Variants in CRACR2A observed in about 807,000 individuals in gnomAD.
CRACR2A encodes the protein calcium release activated channel regulator 2A.
CRACR2A carries 79 observed loss-of-function variants against 90.5 expected under a neutral mutation model. The observed-to-expected ratio is 0.87, with a 90% confidence interval of 0.73 to 1.05. The LOEUF is 1.05. CRACR2A is among the 50% of genes least tolerant of loss of function. CRACR2A has a pLI of 0.00. For missense variants in CRACR2A, 823 were observed against 897.2 expected (o/e 0.92, Z 1.06); for synonymous variants, 338 against 356.7 (o/e 0.95, Z 0.59).
intron 7 of CRACR2A, chr12:3,672,754 T>A: frequency 1.0e-6 from 1 of 985,468 alleles, no homozygotes; most frequent in Non-Finnish European, 1.2e-6. Flanking sequence ...CTGGTTCAGT[T>A]CTTCAGCAGC....
intron 2 of CRACR2A, among the ~76,000 whole-genome samples, chr12:3,720,027 G>A (rs1946132294): frequency 6.6e-6 from 1 of 151,802 alleles, no homozygotes; most frequent in African/African-American, 2.4e-5. Flanking sequence ...GCTGAGGCAG[G>A]AGAATCGCTT....
At chr12:3,648,333 T>A in intron 11 of CRACR2A, 1 of 1,467,838 alleles carries the variant, frequency 6.8e-7, no homozygotes, top group Non-Finnish European at 9.0e-7. Context: ...AGGAATAAAC[T>A]GGATGTGGGC....
chr12:3,742,130 A>G (rs73249734), intron 1 of CRACR2A, among the ~76,000 whole-genome samples: 23,737 of 152,254 alleles, frequency 0.16, 2,061 homozygotes, highest in African/African-American at 0.2. Flanking sequence ...TGGGCAAATC[A>G]TGAACAGCTG....
At chr12:3,635,662 C>T (rs532350909) in intron 14 of CRACR2A, among the ~76,000 whole-genome samples, 3 of 152,092 alleles carry the variant, frequency 2.0e-5, no homozygotes, top group Non-Finnish European at 2.9e-5. Context: ...TGCATCAACA[C>T]GCCTGGCTAA....
In CRACR2A at chr12:3,615,444, G is replaced by T; in HGVS notation, c.2112-5C>A. ...TCTTCTTGCTCCTTGAGGAACCTGG[G>T]AGAGGGGAAGAGATCGTGTCAGTGA... is the stretch of plus-strand genomic sequence containing the variant. On this transcript the variant is annotated splice_region_variant and splice_polypyrimidine_tract_variant and intron_variant, in intron 19 of 19. Transcript: ENST00000440314. 1 of 1,547,764 alleles carries T rather than the reference G, an allele frequency of 6.5e-7. No homozygotes were observed. The highest frequency in any genetic ancestry group is 8.7e-7 in the Non-Finnish European group (1 of 1,144,760).
Position 3,638,384 on chromosome 12 carries a change from G to C in CRACR2A, c.1342C>G (p.Leu448Val), listed in dbSNP as rs1478681903. 14 of 1,551,670 alleles carry C rather than the reference G, an allele frequency of 9.0e-6. No individual in the cohort carries two copies. In the East Asian group the frequency reaches 2.9e-4, roughly 33 times the overall value. Residue 448 changes from leucine (L) to valine (V), a missense_variant, in exon 14 of 20, where the codon CTA becomes GTA. Leu to Val is a conservative substitution (Grantham distance 32). Transcript: ENST00000440314. ...CCGGTTCCTGGCTCCTCTTCTGTTA[G>C]GGGATATCCACTCAGGCCCAGGGAG... is the stretch of plus-strand genomic sequence containing the variant. ...RSSLGLSGYP[L>V]TEEEPGTGEP... is the part of the protein sequence containing the mutation.
Position 3,627,658 on chromosome 12 carries a change from G to T in CRACR2A, c.1784C>A (p.Ala595Asp). 6.4e-7 allele frequency: 1 copy of T among 1,551,804 alleles called. No individual in the cohort carries two copies. The highest frequency in any genetic ancestry group is 8.7e-7 in the Non-Finnish European group (1 of 1,147,020). ...KTLNVDNSQV[A>D]LQLWDTAGQE... ...CCCAGCCGTGTCCCACAGCTGCAGG[G>T]CCACCTGAGAGTTGTCCACATTCAA... Residue 595 changes from alanine (A) to aspartate (D), a missense_variant, in exon 16 of 20, where the codon GCC becomes GAC. Ala to Asp is a moderately radical substitution (Grantham distance 126). Transcript: ENST00000440314.
rs1426210130 is a variant in CRACR2A, at chr12:3,680,283, C to T, written c.295G>A (p.Asp99Asn). Reference protein sequence around the residue: ...LEDVFDALDADGNGYLTPQEF... With the variant: ...LEDVFDALDANGNGYLTPQEF... Reference sequence around the variant, plus strand: ...TGTGGGGTCAGATAGCCATTGCCATCAGCATCCAGGGCATCAAACACATCC... The same window carrying T: ...TGTGGGGTCAGATAGCCATTGCCATTAGCATCCAGGGCATCAAACACATCC... Residue 99 changes from aspartate to asparagine, a missense_variant, in exon 5 of 20, where the codon GAT (aspartate) becomes AAT (asparagine). Transcript: ENST00000440314. The T allele has an allele frequency of 6.2e-7, 1 of 1,614,212 alleles. No homozygotes were observed. The highest frequency in any genetic ancestry group is 1.3e-5 in the African/African-American group (1 of 75,060).
chr12:3,616,401 G>A (rs1565458238), intron 19 of CRACR2A, among the ~76,000 whole-genome samples: 1 of 152,192 alleles, frequency 6.6e-6, no homozygotes, highest in African/African-American at 2.4e-5. Context: ...TGGTTTTGTT[G>A]TTTAAATTTT....
At chr12:3,666,332 T>TGCGTGC (rs1945138993) in intron 7 of CRACR2A, among the ~76,000 whole-genome samples, 1 of 114,896 alleles carries the variant, frequency 8.7e-6, no homozygotes, top group African/African-American at 3.2e-5. Flanking sequence ...GACGGCTGCG[T>TGCGTGC]GTGTGTGTGT....
chr12:3,656,464 A>ATT lies in CRACR2A; in HGVS notation c.763-60_763-59dup. 1.3e-5 allele frequency: 19 copies of ATT among 1,496,776 alleles called. No individual in the cohort carries two copies. In the South Asian group the frequency reaches 1.5e-4, roughly 12 times the overall value. 92.7% of individuals were successfully genotyped at this position (1,496,776 alleles called of 1,614,324 possible). A position where few individuals can be genotyped will look rare whatever the true frequency, so the allele number is the denominator to read the frequency against. On this transcript the variant is annotated intron_variant, in intron 8 of 19. Transcript: ENST00000440314. ...CAAATGTAGCACACCCGGGTTATAG[A>ATT]TTTTTTTTTTCCCACCTTGAACCTA...
chr12:3,663,064 C>T (rs1306511565), intron 7 of CRACR2A, among the ~76,000 whole-genome samples: 2 of 152,104 alleles, frequency 1.3e-5, no homozygotes, highest in East Asian at 3.8e-4. Flanking sequence ...GATCATTTAA[C>T]AATTAATCTT....
chr12:3,681,851 A>G (rs1945460488), intron 4 of CRACR2A, among the ~76,000 whole-genome samples: 1 of 152,238 alleles, frequency 6.6e-6, no homozygotes, highest in African/African-American at 2.4e-5. Flanking sequence ...AAGGGAGACT[A>G]TGATGCATTA....
At chr12:3,661,131 G>C (rs1253424477) in intron 7 of CRACR2A, among the ~76,000 whole-genome samples, 1 of 152,114 alleles carries the variant, frequency 6.6e-6, no homozygotes, top group Non-Finnish European at 1.5e-5. Context: ...GCTGTCCAAG[G>C]CTTTGCCACA....
chr12:3,662,460 T>C (rs17770504), intron 7 of CRACR2A, among the ~76,000 whole-genome samples: 15,087 of 152,274 alleles, frequency 0.099, 1,030 homozygotes, highest in Non-Finnish European at 0.15. Flanking sequence ...CCTCCCTACA[T>C]TGTCATAAAG....
At chr12:3,732,631 G>A (rs1191339375) in intron 2 of CRACR2A, 1 of 152,298 alleles carries the variant, frequency 6.6e-6, no homozygotes, top group Non-Finnish European at 1.5e-5. Context: ...TGCCACCCCT[G>A]GTGAAGCCGC....
intron 3 of CRACR2A, among the ~76,000 whole-genome samples, chr12:3,701,272 A>T (rs1357009271): frequency 6.6e-6 from 1 of 152,136 alleles, no homozygotes; most frequent in Non-Finnish European, 1.5e-5. Context: ...AAGGGCTCAA[A>T]TCAATGACCT....
rs141769015 is a variant in CRACR2A at position 3,625,990 on chromosome 12, T to C, written c.1932+1446A>G. Reference sequence around the variant, plus strand: ...AAGGAATTACTGCTGGATTCACCCATACCATTTGCTTCCATTATTAGTTTG... The same window carrying C: ...AAGGAATTACTGCTGGATTCACCCACACCATTTGCTTCCATTATTAGTTTG... On this transcript the variant is annotated intron_variant, in intron 17 of 19. Coordinates refer to ENST00000440314, the MANE Select transcript of CRACR2A (RefSeq NM_001144958.2). Among the ~76,000 whole-genome samples the C allele has an allele frequency of 3.8e-3, 575 of 152,354 alleles. 5 individuals are homozygous for C. The highest frequency in any genetic ancestry group is 0.013 in the African/African-American group (541 of 41,576).
chr12:3,751,131 CCT>C (rs1020081443), intron 1 of CRACR2A, among the ~76,000 whole-genome samples: 2 of 152,182 alleles, frequency 1.3e-5, no homozygotes, highest in Non-Finnish European at 2.9e-5. Context: ...AACCACCTAA[CCT>C]CTCTCTCAGT....
Sources: gnomAD v4.1 joint callset for allele counts (sites outside exome capture counted in the v4.1 genomes callset) on GRCh38, gnomAD v4.1.1 for gene constraint, MANE v1.5 for transcripts, NCBI Gene and HGNC (gene_info 2026-07-23, HGNC 2026-07-21) for gene names.